Variants in SLC9A9 observed in about 807,000 individuals in gnomAD.
SLC9A9 encodes the protein solute carrier family 9 member A9.
Under a neutral mutation model 77.8 loss-of-function variants are expected in SLC9A9, and 62 were observed. That is an observed-to-expected ratio of 0.80 (90% confidence interval 0.65 to 0.98). The LOEUF is 0.98. Among genes scored for constraint, SLC9A9 ranks in the 50% least tolerant of loss-of-function variants. The pLI, the probability that SLC9A9 is intolerant of heterozygous loss-of-function variation, is 0.00. For synonymous variants in SLC9A9, 320 were observed against 283.5 expected, an observed-to-expected ratio of 1.13 and a Z score of -1.29; for missense variants, 775 against 774.9, an observed-to-expected ratio of 1.00 and a Z score of 0.00.
At chr3:143,716,222 G>A (rs114395419) in intron 4 of SLC9A9, among the ~76,000 whole-genome samples, 5,210 of 151,930 alleles carry the variant, frequency 0.034, 287 homozygotes, top group African/African-American at 0.12. Context: ...CTACAGATGT[G>A]TGCCACCATG....
rs190834546 is a variant in SLC9A9, at chr3:143,502,109, C to T, written c.1090-6661G>A. Among the ~76,000 whole-genome samples the T allele has an allele frequency of 8.8e-3, 1,332 of 151,216 alleles. 18 individuals are homozygous for T. The highest frequency in any genetic ancestry group is 0.026 in the South Asian group (124 of 4,826). On this transcript the variant is annotated intron_variant, in intron 9 of 15. Transcript: ENST00000316549. ...ATATAAATAACTTCAAATCTACTTC[C>T]TCCCCACTCAGGGTCAGTAAAAAAT...
At position 143,339,903 on chromosome 3, in the gene SLC9A9, G is replaced by A. The variant is rs189984747; in HGVS notation, c.1604+23581C>T. On this transcript the variant is annotated intron_variant, in intron 14 of 15. Transcript: ENST00000316549. Reference sequence around the variant, plus strand: ...AAAAGGATGCTACTGCCCGAATGATGGGGTGTGCTATGTACAATTATGGCT... The same window carrying A: ...AAAAGGATGCTACTGCCCGAATGATAGGGTGTGCTATGTACAATTATGGCT... 3.6e-4 allele frequency among the ~76,000 whole-genome samples: 55 copies of A among 152,284 alleles called. 2 individuals are homozygous for A. Among genetic ancestry groups the A allele is most frequent in the African/African-American group, 1.3e-3 (52 of 41,538 alleles).
At position 143,780,856 on chromosome 3, in the gene SLC9A9, A is replaced by G. The variant is rs2007850321; in HGVS notation, c.533+14145T>C. Among the ~76,000 whole-genome samples, 2 of 152,182 alleles carry G rather than the reference A, an allele frequency of 1.3e-5. 1 individual carries two copies. Among genetic ancestry groups the G allele is most frequent in the South Asian group, 4.1e-4 (2 of 4,828 alleles). ...TCATAGGAAATATCTGGTATATACT[A>G]TTTGCTGTCAAAGAAAGAAATTGTG... On this transcript the variant is annotated intron_variant, in intron 4 of 15. Coordinates refer to ENST00000316549, the MANE Select transcript of SLC9A9 (RefSeq NM_173653.4).
At chr3:143,734,386 A>G (rs1934886582) in intron 4 of SLC9A9, among the ~76,000 whole-genome samples, 1 of 151,934 alleles carries the variant, frequency 6.6e-6, no homozygotes, top group Non-Finnish European at 1.5e-5. Flanking sequence ...AAATGTATAG[A>G]AAAAAAAGAA....
At chr3:143,724,729 T>G (rs1934592052) in intron 4 of SLC9A9, among the ~76,000 whole-genome samples, 1 of 152,240 alleles carries the variant, frequency 6.6e-6, no homozygotes, top group Non-Finnish European at 1.5e-5. Context: ...TCTAATGTGT[T>G]AAACACGAAA....
At chr3:143,727,370 A>C (rs1354997791) in intron 4 of SLC9A9, among the ~76,000 whole-genome samples, 16 of 152,040 alleles carry the variant, frequency 1.1e-4, no homozygotes, top group Non-Finnish European at 1.5e-5. Context: ...AATCTTATAA[A>C]ACACTTTCTG....
chr3:143,621,361 C>G (rs955788908), intron 6 of SLC9A9, among the ~76,000 whole-genome samples: 1 of 152,158 alleles, frequency 6.6e-6, no homozygotes, highest in African/African-American at 2.4e-5. Flanking sequence ...TGGGAGGCAC[C>G]CCCCAGTAGG....
chr3:143,310,029 TG>T (rs2030957978), intron 14 of SLC9A9, among the ~76,000 whole-genome samples: 1 of 152,346 alleles, frequency 6.6e-6, no homozygotes, highest in East Asian at 1.9e-4. Flanking sequence ...TCACATGAAC[TG>T]GCTCAGGACC....
chr3:143,699,563 T>C (rs1439777163), intron 4 of SLC9A9, among the ~76,000 whole-genome samples: 1 of 152,112 alleles, frequency 6.6e-6, no homozygotes, highest in Non-Finnish European at 1.5e-5. Context: ...AACTTACCGG[T>C]GCCGTGTCAC....
At chr3:143,377,179 C>T (rs963166875) in intron 13 of SLC9A9, among the ~76,000 whole-genome samples, 4 of 152,258 alleles carry the variant, frequency 2.6e-5, no homozygotes, top group Middle Eastern at 3.4e-3. Flanking sequence ...CTTATATTTC[C>T]AACTCTTGCA....
chr3:143,620,802 T>G (rs994294428), intron 6 of SLC9A9, among the ~76,000 whole-genome samples: 12 of 152,080 alleles, frequency 7.9e-5, no homozygotes, highest in African/African-American at 2.9e-4. Context: ...AAGTGTGAGC[T>G]GAAGCAGGGC....
chr3:143,566,614 T>C (rs1391036644), intron 8 of SLC9A9, among the ~76,000 whole-genome samples: 1 of 152,110 alleles, frequency 6.6e-6, no homozygotes, highest in Non-Finnish European at 1.5e-5. Flanking sequence ...TAAATAGTGT[T>C]CTATACTGTT....
Position 143,652,349 on chromosome 3 carries a change from C to T in SLC9A9, c.661G>A (p.Ala221Thr). ...MSATDPVTVL[A>T]IFHELHVDPD... ...TCGACGTGCAGTTCATGGAAAATGGCCAGCACTGTCACTAGGAAGACACAC... is the reference window on the plus strand; with the variant it reads ...TCGACGTGCAGTTCATGGAAAATGGTCAGCACTGTCACTAGGAAGACACAC... The change falls in exon 6 of 16, where the codon GCC (alanine) becomes ACC (threonine). Residue 221 changes from alanine (A) to threonine (T), a missense_variant. Ala to Thr is a moderately conservative substitution (Grantham distance 58). Coordinates refer to ENST00000316549, the MANE Select transcript of SLC9A9 (RefSeq NM_173653.4). The T allele has an allele frequency of 6.2e-7, 1 of 1,611,998 alleles. No homozygotes were observed. Among genetic ancestry groups the T allele is most frequent in the Non-Finnish European group, 8.5e-7 (1 of 1,179,066 alleles).
At chr3:143,774,915 T>C (rs1433852398) in intron 4 of SLC9A9, among the ~76,000 whole-genome samples, 1 of 152,144 alleles carries the variant, frequency 6.6e-6, no homozygotes, top group Non-Finnish European at 1.5e-5. Flanking sequence ...CTCCTCAGCT[T>C]TTCTGGCTTC....
Position 143,518,155 on chromosome 3 carries a change from G to T in SLC9A9, c.1090-22707C>A, listed in dbSNP as rs564549094. ...ACTCCCTCAGGAAGCGCATTTCCTC[G>T]GTGTGCAGAACGCTCGGATCCTCCT... is the stretch of plus-strand genomic sequence containing the variant. On this transcript the variant is annotated intron_variant, in intron 9 of 15. Transcript: ENST00000316549. The T allele has an allele frequency of 9.7e-5, 156 of 1,600,180 alleles. No homozygotes were observed. In the African/African-American group the frequency reaches 1.9e-3, roughly 19 times the overall value.
At chr3:143,497,513 A>C (rs958465067) in intron 9 of SLC9A9, among the ~76,000 whole-genome samples, 1 of 152,224 alleles carries the variant, frequency 6.6e-6, no homozygotes, top group Non-Finnish European at 1.5e-5. Flanking sequence ...ATGCTGAGAC[A>C]AAGGCCCCCA....
At chr3:143,452,553 A>T (rs1467304516) in intron 12 of SLC9A9, among the ~76,000 whole-genome samples, 3 of 151,296 alleles carry the variant, frequency 2.0e-5, no homozygotes, top group Non-Finnish European at 4.4e-5. Context: ...TCTTGATTGG[A>T]TCCTGAATTT....
intron 4 of SLC9A9, among the ~76,000 whole-genome samples, chr3:143,765,121 TTCTC>T (rs912560454): frequency 1.3e-5 from 2 of 150,700 alleles, no homozygotes. Context: ...TTTTCTTTCT[TTCTC>T]TCTTTCTTTC....
At chr3:143,519,368 C>T (rs2036257410) in intron 9 of SLC9A9, among the ~76,000 whole-genome samples, 1 of 151,918 alleles carries the variant, frequency 6.6e-6, no homozygotes, top group Non-Finnish European at 1.5e-5. Flanking sequence ...GAGGGACACT[C>T]TAGTTATAGT....
Sources: allele counts gnomAD v4.1 joint callset (sites outside exome capture counted in the v4.1 genomes callset), GRCh38; gene constraint gnomAD v4.1.1; transcripts MANE v1.5; gene names NCBI Gene and HGNC (gene_info 2026-07-23, HGNC 2026-07-21).